EFTUD2: variants seen among roughly 807,000 people sequenced by gnomAD.
EFTUD2 encodes the protein elongation factor Tu GTP binding domain containing 2, also known as 116 kDa U5 small nuclear ribonucleoprotein component.
Under a neutral mutation model 114.3 loss-of-function variants are expected in EFTUD2, and 9 were observed. That is an observed-to-expected ratio of 0.08 (90% CI 0.05 to 0.14). EFTUD2 has a LOEUF of 0.14. EFTUD2 is among the 10% of genes least tolerant of loss of function. The pLI, the probability that EFTUD2 is intolerant of heterozygous loss-of-function variation, is 1.00. For missense variants in EFTUD2, 765 were observed against 1,241.2 expected (o/e 0.62, Z 5.76); for synonymous variants, 449 against 462.3 (o/e 0.97, Z 0.37).
chr17:44,890,309 C>T lies in EFTUD2; in HGVS notation c.106-3559G>A, dbSNP rs141568868. ...TGCTGGGATTACAGGCATGAGCCAA[C>T]GCACCCAGCCTTAGAAGGGACATCT... On this transcript the variant is annotated intron_variant, in intron 2 of 27. Transcript: ENST00000426333. Among the ~76,000 whole-genome samples, 1,485 of 151,738 alleles carry T rather than the reference C, an allele frequency of 9.8e-3. 10 individuals carry two copies. Among genetic ancestry groups the T allele is most frequent in the African/African-American group, 0.018 (735 of 41,386 alleles).
chr17:44,869,082 C>T (rs1337675491), intron 11 of EFTUD2, among the ~76,000 whole-genome samples: 1 of 152,204 alleles, frequency 6.6e-6, no homozygotes, highest in Non-Finnish European at 1.5e-5. Flanking sequence ...AATGCACTGG[C>T]TTTTCCCGAA....
chr17:44,872,764 A>C, intron 10 of EFTUD2, 194 bp from the exon 11 acceptor site: 1 of 477,906 alleles, frequency 2.1e-6, no homozygotes, highest in Non-Finnish European at 3.4e-6. Flanking sequence ...TCCCAATAAC[A>C]AGTTGATTTC....
At chr17:44,886,228 C>T (rs1008383851) in intron 3 of EFTUD2, among the ~76,000 whole-genome samples, 2 of 151,816 alleles carry the variant, frequency 1.3e-5, no homozygotes, top group African/African-American at 2.4e-5. Flanking sequence ...AGCAAGACTT[C>T]GTCTCAAAAA....
At position 44,852,565 on chromosome 17, in the gene EFTUD2, G is replaced by A; in HGVS notation, c.2562-3C>T. ...GTGCATCCTGAGTCACGTGCCCCCT[G>A]AGACAGAAAAACAAAGGCTGAGCCT... is the stretch of plus-strand genomic sequence containing the variant. On this transcript the variant is annotated splice_polypyrimidine_tract_variant and splice_region_variant and intron_variant, in intron 25 of 27. Coordinates refer to ENST00000426333, the MANE Select transcript of EFTUD2 (RefSeq NM_004247.4). 6.2e-7 allele frequency: 1 copy of A among 1,613,684 alleles called. No individual in the cohort carries two copies. The highest frequency in any genetic ancestry group is 8.5e-7 in the Non-Finnish European group (1 of 1,179,794).
chr17:44,885,632 A>G (rs1208595362), intron 3 of EFTUD2, among the ~76,000 whole-genome samples: 3 of 152,154 alleles, frequency 2.0e-5, no homozygotes, highest in East Asian at 3.9e-4. Flanking sequence ...CCTTGCATTT[A>G]TAAGATGCAA....
rs2050696042 is a variant in EFTUD2 at position 44,863,664 on chromosome 17, A to G, written c.1404T>C (p.Cys468=). The G allele has an allele frequency of 1.2e-6, 2 of 1,613,732 alleles. No individual in the cohort carries two copies. Among genetic ancestry groups the G allele is most frequent in the Non-Finnish European group, 1.7e-6 (2 of 1,179,862 alleles). The stretch of plus-strand genomic sequence containing the variant: ...AGCCACATGCCCTTACATCAGGGTC[A>G]CAGTCACTCATAGCCTCGCCGAGGT... ...DSDLGEAMSD[C]DPDGPLMCHT... Residue 468 remains cysteine, a synonymous_variant, in exon 15 of 28, where the codon TGT becomes TGC. Coordinates refer to ENST00000426333, the MANE Select transcript of EFTUD2 (RefSeq NM_004247.4).
intron 27 of EFTUD2, among the ~76,000 whole-genome samples, 162 bp downstream of exon 27, chr17:44,851,548 C>A (rs372064255): frequency 6.6e-6 from 1 of 152,120 alleles, no homozygotes; most frequent in Non-Finnish European, 1.5e-5. Context: ...CCTTTCCCAA[C>A]GAGACTGGGG....
At chr17:44,868,394 C>T (rs1234055343) in intron 11 of EFTUD2, 44 bp from the exon 12 acceptor site, 11 of 1,599,374 alleles carry the variant, frequency 6.9e-6, no homozygotes, top group South Asian at 1.1e-5. Flanking sequence ...AGCAAAGTGT[C>T]GTTCAAAATT....
In EFTUD2 at chr17:44,859,327, AG is replaced by A. The variant is rs144714068; in HGVS notation, c.1861-147del. On this transcript the variant is annotated intron_variant, in intron 18 of 27. Transcript: ENST00000426333. Reference sequence around the variant, plus strand: ...TGTTCCAGCCTCTTCAAGAAGGTTCAGTGAGGAGCATCTGCCTATGAGTGGG... The same window carrying A: ...TGTTCCAGCCTCTTCAAGAAGGTTCATGAGGAGCATCTGCCTATGAGTGGG... The A allele has an allele frequency of 4.0e-3, 2,651 of 664,238 alleles. 52 individuals carry two copies. The African/African-American group carries it at 0.041, about 10-fold the overall frequency. 41.1% of individuals were successfully genotyped at this position (664,238 alleles called of 1,614,324 possible).
At position 44,863,425 on chromosome 17, in the gene EFTUD2, A is replaced by C. The variant is rs1360946276; in HGVS notation, c.1413+230T>G. 8.8e-6 allele frequency: 4 copies of C among 456,186 alleles called. No individual in the cohort carries two copies. The East Asian group carries it at 1.5e-4, about 18-fold the overall frequency. 28.3% of individuals were successfully genotyped at this position (456,186 alleles called of 1,614,324 possible). On this transcript the variant is annotated intron_variant, in intron 15 of 27. Coordinates refer to ENST00000426333, the MANE Select transcript of EFTUD2 (RefSeq NM_004247.4). ...TCATAACAACCGCTCACATTTTATT[A>C]TGCTCGTGTTATAGACCAAGGCCTT...
intron 26 of EFTUD2, 68 bp downstream of exon 26, chr17:44,852,341 C>G (rs1375067129): frequency 5.0e-6 from 8 of 1,594,228 alleles, no homozygotes; most frequent in Admixed American, 1.7e-5. Context: ...GGAGAGGGAT[C>G]AGGACAGAAG....
chr17:44,879,489 G>T, intron 9 of EFTUD2, 67 bp downstream of exon 9: 1 of 1,500,386 alleles, frequency 6.7e-7, no homozygotes, highest in Non-Finnish European at 9.3e-7. Context: ...CAGTGCTCTG[G>T]GTATTGTTGC....
intron 9 of EFTUD2, among the ~76,000 whole-genome samples, chr17:44,879,043 T>A (rs2051022740): frequency 6.6e-6 from 1 of 152,214 alleles, no homozygotes; most frequent in Non-Finnish European, 1.5e-5. Context: ...TCTTATCATT[T>A]TGAGCTTCAC....
At chr17:44,882,162 G>A (rs1256433065) in intron 6 of EFTUD2, among the ~76,000 whole-genome samples, 2 of 152,190 alleles carry the variant, frequency 1.3e-5, no homozygotes, top group Non-Finnish European at 2.9e-5. Context: ...TCGAACTCCT[G>A]ACCTCATGTG....
rs750968313 is a variant in EFTUD2, at chr17:44,885,329, T to C, written c.277A>G (p.Ile93Val). 3 of 1,612,524 alleles carry C rather than the reference T, an allele frequency of 1.9e-6. No individual in the cohort carries two copies. The highest frequency in any genetic ancestry group is 1.1e-5 in the South Asian group (1 of 91,052). ...TTCTTGGTTTTCACTGGCTTAATAA[T>C]GGGTTCTAGAAGAAAAAAAAAAGGT... is the stretch of plus-strand genomic sequence containing the variant. ...EEDTQPLTEP[I>V]IKPVKTKKFT... Residue 93 changes from isoleucine to valine, a missense_variant, in exon 4 of 28, where the codon ATT becomes GTT. This residue lies in a region of EFTUD2 where 121 missense variants were observed against 133.7 expected (regional missense o/e 0.90). Coordinates refer to ENST00000426333, the MANE Select transcript of EFTUD2 (RefSeq NM_004247.4).
intron 7 of EFTUD2, 71 bp downstream of exon 7, chr17:44,881,616 T>C (rs2051074431): frequency 6.5e-7 from 1 of 1,542,478 alleles, no homozygotes; most frequent in African/African-American, 1.4e-5. Flanking sequence ...AAGGCTCCTC[T>C]ACATTCCCTA....
Position 44,859,951 on chromosome 17 carries a change from T to G in EFTUD2, c.1814A>C (p.Asp605Ala). The change falls in exon 18 of 28, where the codon GAT becomes GCT. Residue 605 changes from aspartate (D) to alanine (A), a missense_variant. Asp to Ala is a moderately radical substitution (Grantham distance 126). Coordinates refer to ENST00000426333, the MANE Select transcript of EFTUD2 (RefSeq NM_004247.4). ...GCTCTTGTTGACCTTGCGCAGGCCA[T>G]CAAGCATCTTGGGCAGCTCTGAGGG... ...VNPSELPKML[D>A]GLRKVNKSYP... is the part of the protein sequence containing the mutation. The G allele has an allele frequency of 6.2e-7, 1 of 1,614,176 alleles. No homozygotes were observed. The highest frequency in any genetic ancestry group is 1.1e-5 in the South Asian group (1 of 91,082).
At chr17:44,868,567 A>ATACGGC in intron 11 of EFTUD2, 1 of 531,672 alleles carries the variant, frequency 1.9e-6, no homozygotes, top group Non-Finnish European at 3.3e-6. Flanking sequence ...AGCCAAAATG[A>ATACGGC]GAACCCAAGC....
chr17:44,892,164 C>T (rs1401241656), intron 2 of EFTUD2: 1 of 152,094 alleles, frequency 6.6e-6, no homozygotes, highest in African/African-American at 2.4e-5. Flanking sequence ...ATTAGATAAA[C>T]CTCTGTTCTC....
Sources: gnomAD v4.1 joint callset for allele counts (sites outside exome capture counted in the v4.1 genomes callset) on GRCh38, gnomAD v4.1.1 for gene constraint, gnomAD v4.1.1 regional missense constraint, MANE v1.5 for transcripts, NCBI Gene and HGNC (gene_info 2026-07-23, HGNC 2026-07-21) for gene names.